HS2ST1: variants seen among roughly 807,000 people sequenced by gnomAD.
HS2ST1 encodes the protein 2-O-sulfotransferase.
In HS2ST1, 18 loss-of-function variants were observed where a neutral mutation model predicts 42.9. That is an observed-to-expected ratio of 0.42 (90% CI 0.29 to 0.62). The LOEUF (loss-of-function observed/expected upper bound fraction) is 0.62, where lower values mean the gene tolerates loss of function less well. Ranked by LOEUF, HS2ST1 falls within the 20% of genes least tolerant of loss-of-function variation. The pLI is 0.21. For missense variants in HS2ST1, 334 were observed against 433.8 expected (o/e 0.77, Z 2.04); for synonymous variants, 146 against 152.9 (o/e 0.95, Z 0.33).
chr1:86,968,465 A>G (rs1054721725), intron 1 of HS2ST1, among the ~76,000 whole-genome samples: 3 of 151,170 alleles, frequency 2.0e-5, no homozygotes, highest in African/African-American at 7.3e-5. Context: ...TCTGTTACCC[A>G]GGCTAGAGTG....
At chr1:87,078,028 C>G (rs1020476038) in intron 2 of HS2ST1, among the ~76,000 whole-genome samples, 3 of 152,184 alleles carry the variant, frequency 2.0e-5, no homozygotes, top group Non-Finnish European at 4.4e-5. Flanking sequence ...CTGGCTTAGT[C>G]TCATAAAAGT....
chr1:86,942,725 C>G (rs1660789049), intron 1 of HS2ST1, among the ~76,000 whole-genome samples: 1 of 152,116 alleles, frequency 6.6e-6, no homozygotes, highest in Non-Finnish European at 1.5e-5. Context: ...TTCCCCTACT[C>G]CAATCTCCTT....
intron 1 of HS2ST1, chr1:86,934,811 C>T (rs1213734636): frequency 6.6e-6 from 1 of 151,272 alleles, no homozygotes; most frequent in Non-Finnish European, 1.5e-5. Flanking sequence ...ACCTGTATTC[C>T]CAGCTACTTG....
intron 1 of HS2ST1, among the ~76,000 whole-genome samples, chr1:86,982,610 G>T (rs1274486853): frequency 6.6e-6 from 1 of 152,044 alleles, no homozygotes; most frequent in Non-Finnish European, 1.5e-5. Flanking sequence ...TGCCTCCCAG[G>T]TTCACGCCAT....
intron 1 of HS2ST1, among the ~76,000 whole-genome samples, chr1:86,965,889 G>T (rs1648032599): frequency 6.6e-6 from 1 of 152,220 alleles, no homozygotes; most frequent in African/African-American, 2.4e-5. Context: ...TAAGGTCTTT[G>T]TAGTGTCTAC....
At chr1:87,002,154 C>T (rs928332563) in intron 1 of HS2ST1, among the ~76,000 whole-genome samples, 1 of 152,068 alleles carries the variant, frequency 6.6e-6, no homozygotes, top group African/African-American at 2.4e-5. Context: ...CCTCGTGATC[C>T]ACCCGCTTCA....
intron 1 of HS2ST1, chr1:86,958,341 A>G (rs1647733735): frequency 6.6e-6 from 1 of 152,234 alleles, no homozygotes. Flanking sequence ...AGAAAAGGTT[A>G]TTAAGAAAAT....
intron 1 of HS2ST1, among the ~76,000 whole-genome samples, chr1:87,032,951 C>T (rs1196393927): frequency 6.6e-6 from 1 of 152,174 alleles, no homozygotes; most frequent in Non-Finnish European, 1.5e-5. Flanking sequence ...TCCCTTTCAT[C>T]TGACTCATTC....
In HS2ST1 at chr1:87,103,026, G is replaced by A. The variant is rs572948965; in HGVS notation, c.687-406G>A. ...GAAAACACTTAGCTCACAAAAACCC[G>A]AAACTCACACAATAAGCAGTAAACA... On this transcript the variant is annotated intron_variant, in intron 5 of 6. Coordinates refer to ENST00000370550, the MANE Select transcript of HS2ST1 (RefSeq NM_012262.4). 5.3e-5 allele frequency among the ~76,000 whole-genome samples: 8 copies of A among 152,228 alleles called. No individual in the cohort carries two copies. In the South Asian group the frequency reaches 6.2e-4, roughly 12 times the overall value.
intron 3 of HS2ST1, among the ~76,000 whole-genome samples, chr1:87,090,053 G>T (rs1349297706): frequency 6.6e-6 from 1 of 151,980 alleles, no homozygotes; most frequent in East Asian, 1.9e-4. Context: ...CTAACCCATT[G>T]TCCTGTAATC....
intron 1 of HS2ST1, among the ~76,000 whole-genome samples, chr1:86,989,354 G>A (rs1648878518): frequency 6.6e-6 from 1 of 152,166 alleles, no homozygotes; most frequent in Non-Finnish European, 1.5e-5. Flanking sequence ...CCTTCTATTA[G>A]CAAACACTTT....
At chr1:87,035,263 C>G (rs1021562139) in intron 1 of HS2ST1, among the ~76,000 whole-genome samples, 3 of 152,188 alleles carry the variant, frequency 2.0e-5, no homozygotes, top group Non-Finnish European at 2.9e-5. Context: ...TCATTTGTTA[C>G]AGCAGCAGTA....
chr1:87,023,863 T>G (rs975584969), intron 1 of HS2ST1, among the ~76,000 whole-genome samples: 8 of 152,056 alleles, frequency 5.3e-5, no homozygotes, highest in African/African-American at 1.4e-4. Flanking sequence ...AGATTTTGAT[T>G]TAAATATATC....
rs570678005 is a variant in HS2ST1, at chr1:86,961,944, G to GT, written c.124+46792dup. Reference sequence around the variant, plus strand: ...TCCAAGTTATAGTATATATATTTGAGTTTTTTTTATGACTAATATTTCATT... The same window carrying GT: ...TCCAAGTTATAGTATATATATTTGAGTTTTTTTTTATGACTAATATTTCATT... On this transcript the variant is annotated intron_variant, in intron 1 of 6. Transcript: ENST00000370550. Among the ~76,000 whole-genome samples, 697 of 151,884 alleles carry GT rather than the reference G, an allele frequency of 4.6e-3. 4 individuals are homozygous for GT. Among genetic ancestry groups the GT allele is most frequent in the Middle Eastern group, 0.021 (6 of 292 alleles).
intron 1 of HS2ST1, among the ~76,000 whole-genome samples, chr1:86,958,192 T>C (rs1647729719): frequency 6.6e-6 from 1 of 152,236 alleles, no homozygotes; most frequent in Admixed American, 6.5e-5. Context: ...CATGTAACTT[T>C]TGACTTTCTA....
At chr1:87,034,362 G>C (rs918443300) in intron 1 of HS2ST1, among the ~76,000 whole-genome samples, 2 of 152,184 alleles carry the variant, frequency 1.3e-5, no homozygotes, top group Admixed American at 6.5e-5. Context: ...TTTGTGATCT[G>C]TGGTCTCCAG....
chr1:87,080,231 G>T (rs1270018672), intron 2 of HS2ST1, among the ~76,000 whole-genome samples: 1 of 152,160 alleles, frequency 6.6e-6, no homozygotes, highest in Non-Finnish European at 1.5e-5. Flanking sequence ...ATAATAAAAA[G>T]ACAAGGGAAC....
At position 86,915,130 on chromosome 1, in the gene HS2ST1, C is replaced by G. The variant is rs80258447; in HGVS notation, c.94C>G (p.Gln32Glu). 6 of 1,613,964 alleles carry G rather than the reference C, an allele frequency of 3.7e-6. No individual in the cohort carries two copies. Among genetic ancestry groups the G allele is most frequent in the South Asian group, 1.1e-5 (1 of 91,082 alleles). Residue 32 changes from glutamine to glutamate, a missense_variant, in exon 1 of 7, where the codon CAG (glutamine) becomes GAG (glutamate). By Grantham distance (29) the Gln-to-Glu change is conservative (BLOSUM62 2). Transcript: ENST00000370550. The part of the protein sequence containing the change: ...VAMLFLENQI[Q>E]KLEESRSKLE... ...GATGCTCTTCTTGGAAAACCAGATC[C>G]AGAAACTGGAGGAGTCCCGCTCGAA...
At chr1:87,096,715 A>T (rs777230757) in intron 4 of HS2ST1, among the ~76,000 whole-genome samples, 9 of 152,174 alleles carry the variant, frequency 5.9e-5, no homozygotes, top group Admixed American at 6.5e-5. Context: ...ATTGCCTTCA[A>T]ACATTGCCAA....
Sources: gnomAD v4.1 joint callset for allele counts (sites outside exome capture counted in the v4.1 genomes callset) on GRCh38, gnomAD v4.1.1 for gene constraint, MANE v1.5 for transcripts, NCBI Gene and HGNC (gene_info 2026-07-23, HGNC 2026-07-21) for gene names.